The following DMD variants were observed in gnomAD, a reference collection of about 807,000 sequenced individuals.
The protein encoded by DMD is dystrophin.
A neutral mutation model predicts 330.1 loss-of-function variants in DMD; 63 were observed. The observed-to-expected ratio is 0.19, with a 90% CI of 0.16 to 0.24. DMD has a LOEUF of 0.24. Ranked by LOEUF, DMD falls within the 10% of genes least tolerant of loss-of-function variation. The probability of loss-of-function intolerance (pLI) is 1.00; values close to 1 mark genes in which losing one functional copy is unlikely to be tolerated. For missense variants in DMD, 3,344 were observed against 2,684.1 expected, an observed-to-expected ratio of 1.25 and a Z score of -5.43; for synonymous variants, 1,223 against 959.8, an observed-to-expected ratio of 1.27 and a Z score of -5.07.
chrX:32,770,552 T>G (rs1466883995), intron 7 of DMD, among the ~76,000 whole-genome samples: 1 of 111,650 alleles, frequency 9.0e-6, no homozygotes, highest in Non-Finnish European at 1.9e-5. Flanking sequence ...GGGCGCTAAT[T>G]TTGAAAGCAA....
intron 71 of DMD, among the ~76,000 whole-genome samples, chrX:31,176,702 A>C (rs2040542128): frequency 9.0e-6 from 1 of 111,644 alleles, no homozygotes; most frequent in South Asian, 3.7e-4. Context: ...ACAATTTCCA[A>C]GAGGCAGAGG....
chrX:31,183,868 TA>T (rs564530755), intron 67 of DMD, among the ~76,000 whole-genome samples: 221 of 70,765 alleles, frequency 3.1e-3, no homozygotes, highest in South Asian at 0.015. Flanking sequence ...CTCCTTTTTT[TA>T]AAAAAAAAAT....
At chrX:31,985,556 G>A (rs765878530) in intron 44 of DMD, among the ~76,000 whole-genome samples, 2 of 112,241 alleles carry the variant, frequency 1.8e-5, no homozygotes, top group South Asian at 3.7e-4. Context: ...AACGAGTAAC[G>A]CTTTCATTTT....
intron 55 of DMD, among the ~76,000 whole-genome samples, chrX:31,614,861 CTAAAT>C (rs2078113666): frequency 8.9e-6 from 1 of 111,988 alleles, no homozygotes; most frequent in African/African-American, 3.2e-5. Context: ...TGCTGATAAC[CTAAAT>C]TATTTTCAAT....
intron 52 of DMD, among the ~76,000 whole-genome samples, chrX:31,722,377 C>T (rs1241119243): frequency 9.0e-6 from 1 of 110,574 alleles, no homozygotes; most frequent in Non-Finnish European, 1.9e-5. Flanking sequence ...GCTTCAGCCT[C>T]CCAAAGTGCT....
chrX:32,131,679 A>C (rs758528723), intron 44 of DMD, among the ~76,000 whole-genome samples: 1 of 112,558 alleles, frequency 8.9e-6, no homozygotes, highest in East Asian at 2.8e-4. Flanking sequence ...TAAAACTAAG[A>C]TAACTTCAAG....
Position 32,545,304 on chromosome X carries a change from A to C in DMD, c.2023T>G (p.Ser675Ala). 7 of 1,210,978 alleles carry C rather than the reference A, an allele frequency of 5.8e-6. No homozygotes were observed. Among genetic ancestry groups the C allele is most frequent in the African/African-American group, 1.7e-5 (1 of 57,727 alleles). The change falls in exon 17 of 79, where the codon TCA becomes GCA. Residue 675 changes from serine (S) to alanine (A), a missense_variant. Transcript: ENST00000357033. Reference sequence around the variant, plus strand: ...TCCATTACAGTTGTCTGTGTTAGTGATGGCTGAGTGGTGGTGACAGCCTGT... The same window carrying C: ...TCCATTACAGTTGTCTGTGTTAGTGCTGGCTGAGTGGTGGTGACAGCCTGT... ...ISQAVTTTQP[S>A]LTQTTVMETV...
chrX:32,658,674 G>A (rs1001053975), intron 9 of DMD, among the ~76,000 whole-genome samples: 1 of 110,107 alleles, frequency 9.1e-6, no homozygotes, highest in African/African-American at 3.3e-5. Flanking sequence ...TTCTCATTGG[G>A]TCACTTTCCC....
chrX:33,029,147 C>G (rs942847420), intron 1 of DMD, among the ~76,000 whole-genome samples: 1 of 111,700 alleles, frequency 9.0e-6, no homozygotes, highest in Non-Finnish European at 1.9e-5. Flanking sequence ...ACTGCTCAAA[C>G]TACTCTGTTA....
intron 54 of DMD, among the ~76,000 whole-genome samples, chrX:31,652,318 T>G (rs776268883): frequency 1.8e-5 from 2 of 111,712 alleles, no homozygotes; most frequent in Admixed American, 1.9e-4. Flanking sequence ...TCTTCCACAC[T>G]GTGTGTATGA....
At chrX:32,752,944 T>G (rs2148303639) in intron 7 of DMD, among the ~76,000 whole-genome samples, 1 of 111,183 alleles carries the variant, frequency 9.0e-6, no homozygotes, top group South Asian at 3.8e-4. Context: ...CACATAGAAT[T>G]GCAAGTCTAT....
chrX:32,013,069 GA>G (rs1277020979), intron 44 of DMD, among the ~76,000 whole-genome samples: 1 of 80,689 alleles, frequency 1.2e-5, no homozygotes, highest in Non-Finnish European at 2.3e-5. Context: ...TAGCTAACAG[GA>G]AATTAATCTT....
At chrX:31,177,853 CAAAT>C (rs753408439) in intron 71 of DMD, 75 bp downstream of exon 71, 42 of 897,103 alleles carry the variant, frequency 4.7e-5, no homozygotes, top group East Asian at 1.9e-4. Flanking sequence ...AGAAAACAAA[CAAAT>C]AAACAGAACA....
At chrX:32,678,183 C>T (rs943445575) in intron 9 of DMD, among the ~76,000 whole-genome samples, 4 of 111,930 alleles carry the variant, frequency 3.6e-5, no homozygotes, top group Non-Finnish European at 7.5e-5. Context: ...ATCTGCTACA[C>T]AACGTTGTCT....
At chrX:33,050,066 GTTTAGTTTTT>G (rs944520043) in intron 1 of DMD, among the ~76,000 whole-genome samples, 11 of 110,956 alleles carry the variant, frequency 9.9e-5, no homozygotes, top group Non-Finnish European at 1.9e-4. Flanking sequence ...ACATGAATTG[GTTTAGTTTTT>G]TTTTCCAGCA....
chrX:31,372,371 C>G (rs1346909875), intron 60 of DMD, among the ~76,000 whole-genome samples: 1 of 111,639 alleles, frequency 9.0e-6, no homozygotes, highest in Non-Finnish European at 1.9e-5. Context: ...TTGGTGTCAG[C>G]GGGAATGATA....
intron 78 of DMD, among the ~76,000 whole-genome samples, chrX:31,122,567 T>C (rs1256003161): frequency 9.0e-6 from 1 of 111,380 alleles, no homozygotes; most frequent in Non-Finnish European, 1.9e-5. Flanking sequence ...AAAATAATAA[T>C]AATAAACTCT....
At chrX:31,729,188 T>C (rs1197577615) in intron 52 of DMD, among the ~76,000 whole-genome samples, 3 of 111,434 alleles carry the variant, frequency 2.7e-5, no homozygotes, top group Non-Finnish European at 1.9e-5. Context: ...GGCATCAAAG[T>C]AGCGGAGAGA....
At chrX:33,177,353 G>T (rs1476249519) in intron 1 of DMD, among the ~76,000 whole-genome samples, 1 of 111,793 alleles carries the variant, frequency 8.9e-6, no homozygotes, top group Non-Finnish European at 1.9e-5. Flanking sequence ...GGGTCTTAAA[G>T]ACAGTATACA....
Sources: allele counts gnomAD v4.1 joint callset (sites outside exome capture counted in the v4.1 genomes callset), GRCh38; gene constraint gnomAD v4.1.1; transcripts MANE v1.5; gene names NCBI Gene and HGNC (gene_info 2026-07-23, HGNC 2026-07-21).